The following SLC35F1 variants were observed in gnomAD, a reference collection of about 807,000 sequenced individuals.
The protein encoded by SLC35F1 is solute carrier family 35 member F1.
Under a neutral mutation model 48.7 loss-of-function variants are expected in SLC35F1, and 14 were observed. That is an observed-to-expected ratio of 0.29 (90% confidence interval 0.19 to 0.45). SLC35F1 has a LOEUF of 0.45. Among genes scored for constraint, SLC35F1 ranks in the 20% least tolerant of loss-of-function variants. The pLI is 1.00. For missense variants in SLC35F1, 404 were observed against 500.0 expected, an observed-to-expected ratio of 0.81 and a Z score of 1.83; for synonymous variants, 190 against 202.2, an observed-to-expected ratio of 0.94 and a Z score of 0.51.
At chr6:118,092,667 C>T (rs1419228431) in intron 1 of SLC35F1, among the ~76,000 whole-genome samples, 13 of 152,190 alleles carry the variant, frequency 8.5e-5, no homozygotes, top group Non-Finnish European at 5.9e-5. Flanking sequence ...GGTGGAGCTT[C>T]CCGAGGCCAT....
chr6:118,178,185 C>T (rs1422652170), intron 2 of SLC35F1, among the ~76,000 whole-genome samples: 3 of 151,982 alleles, frequency 2.0e-5, no homozygotes, highest in Non-Finnish European at 4.4e-5. Context: ...CTGGGGGTTG[C>T]GGATCTAGAT....
intron 7 of SLC35F1, among the ~76,000 whole-genome samples, chr6:118,306,218 T>A (rs1776310071): frequency 6.6e-6 from 1 of 152,138 alleles, no homozygotes; most frequent in Non-Finnish European, 1.5e-5. Context: ...CTTTGTTCTG[T>A]CTTCCGGCAG....
At chr6:118,277,574 C>G (rs371437226) in intron 6 of SLC35F1, 28 bp downstream of exon 6, 16 of 1,603,170 alleles carry the variant, frequency 1.0e-5, no homozygotes, top group Middle Eastern at 1.6e-4. Flanking sequence ...ATACGATGCT[C>G]TTTTTATAAC....
chr6:118,235,677 A>G, intron 3 of SLC35F1, 41 bp downstream of exon 3: 2 of 1,596,450 alleles, frequency 1.3e-6, no homozygotes, highest in Non-Finnish European at 1.7e-6. Context: ...TCCTCTATCC[A>G]GATGTAGTTT....
Position 118,052,152 on chromosome 6 carries a change from G to T in SLC35F1, c.174-102293G>T, listed in dbSNP as rs117939741. Among the ~76,000 whole-genome samples, 41 of 152,008 alleles carry T rather than the reference G, an allele frequency of 2.7e-4. No individual in the cohort carries two copies. The East Asian group carries it at 7.9e-3, about 29-fold the overall frequency. ...ATGGCCTTTCAACTCCAGATATGAT[G>T]GTCAAAAATAACAACCTGCAGCCAC... On this transcript the variant is annotated intron_variant, in intron 1 of 7. Coordinates refer to ENST00000360388, the MANE Select transcript of SLC35F1 (RefSeq NM_001029858.4).
chr6:118,117,154 A>C (rs1773486342), intron 1 of SLC35F1, among the ~76,000 whole-genome samples: 1 of 152,194 alleles, frequency 6.6e-6, no homozygotes, highest in Admixed American at 6.6e-5. Flanking sequence ...TGAGACCTGC[A>C]GCAGTTGAGT....
chr6:118,205,283 C>T lies in SLC35F1; in HGVS notation c.350-30226C>T, dbSNP rs114147605. ...TAAAGCAGCCCTTTAAAAGCCACCA[C>T]TCACAATAAAAAAACAAAATGGAAA... On this transcript the variant is annotated intron_variant, in intron 2 of 7. Transcript: ENST00000360388. 8.9e-3 allele frequency among the ~76,000 whole-genome samples: 1,352 copies of T among 152,206 alleles called. 22 individuals carry two copies. The highest frequency in any genetic ancestry group is 0.03 in the African/African-American group (1,235 of 41,534).
chr6:118,222,273 C>G (rs1179117881), intron 2 of SLC35F1, among the ~76,000 whole-genome samples: 1 of 152,264 alleles, frequency 6.6e-6, no homozygotes, highest in East Asian at 1.9e-4. Flanking sequence ...GAGTATCCAG[C>G]TTATAGCATA....
chr6:118,088,590 C>T (rs1479280460), intron 1 of SLC35F1, among the ~76,000 whole-genome samples: 1 of 152,128 alleles, frequency 6.6e-6, no homozygotes, highest in African/African-American at 2.4e-5. Flanking sequence ...ATAAGCACCA[C>T]TTGTAATGAA....
intron 1 of SLC35F1, among the ~76,000 whole-genome samples, chr6:118,097,538 T>C (rs1773194780): frequency 6.6e-6 from 1 of 152,196 alleles, no homozygotes; most frequent in Non-Finnish European, 1.5e-5. Flanking sequence ...CAGAGGGTGA[T>C]GGAAACCATT....
At chr6:118,023,237 A>G (rs1777421035) in intron 1 of SLC35F1, among the ~76,000 whole-genome samples, 1 of 152,210 alleles carries the variant, frequency 6.6e-6, no homozygotes, top group South Asian at 2.1e-4. Context: ...GAAGGAGACC[A>G]GCTGCATAAT....
chr6:117,961,237 GAT>G (rs1409238073), intron 1 of SLC35F1, among the ~76,000 whole-genome samples: 2 of 152,288 alleles, frequency 1.3e-5, no homozygotes, highest in East Asian at 3.9e-4. Context: ...GCCATGAATG[GAT>G]AACTGAAGAA....
intron 1 of SLC35F1, among the ~76,000 whole-genome samples, chr6:117,938,516 C>T (rs966642864): frequency 6.6e-6 from 1 of 152,220 alleles, no homozygotes; most frequent in Non-Finnish European, 1.5e-5. Context: ...GGGCTCACTG[C>T]CCCCAGCCCA....
chr6:118,164,687 G>A (rs1474470643), intron 2 of SLC35F1, among the ~76,000 whole-genome samples: 2 of 152,160 alleles, frequency 1.3e-5, no homozygotes, highest in Non-Finnish European at 2.9e-5. Flanking sequence ...ACTAAATATT[G>A]ATTCTTCTCA....
At chr6:118,065,904 C>CT (rs1224849750) in intron 1 of SLC35F1, among the ~76,000 whole-genome samples, 2 of 152,072 alleles carry the variant, frequency 1.3e-5, no homozygotes. Context: ...TGTTCAAAGA[C>CT]TTTTTTACTT....
chr6:118,187,158 T>C (rs1272267129), intron 2 of SLC35F1, among the ~76,000 whole-genome samples: 1 of 152,270 alleles, frequency 6.6e-6, no homozygotes, highest in Non-Finnish European at 1.5e-5. Context: ...ATAATGTATG[T>C]AACAACAGCC....
At chr6:118,132,027 A>AAT (rs1233684326) in intron 1 of SLC35F1, among the ~76,000 whole-genome samples, 1 of 152,146 alleles carries the variant, frequency 6.6e-6, no homozygotes, top group African/African-American at 2.4e-5. Flanking sequence ...CTATTTTGTA[A>AAT]GGACCTCAAG....
chr6:118,006,712 T>TA (rs1298877320), intron 1 of SLC35F1, among the ~76,000 whole-genome samples: 4 of 152,258 alleles, frequency 2.6e-5, no homozygotes, highest in Admixed American at 6.5e-5. Context: ...CTCTTATCAT[T>TA]AAAAAATTGA....
rs906727736 is a variant in SLC35F1 at position 118,095,494 on chromosome 6, A to G, written c.174-58951A>G. 3.3e-5 allele frequency among the ~76,000 whole-genome samples: 5 copies of G among 151,988 alleles called. 1 individual carries two copies. The highest frequency in any genetic ancestry group is 3.3e-4 in the Admixed American group (5 of 15,250). On this transcript the variant is annotated intron_variant, in intron 1 of 7. Coordinates refer to ENST00000360388, the MANE Select transcript of SLC35F1 (RefSeq NM_001029858.4). ...CAGGATTTTTTTTTCCTTTTTCTTT[A>G]AGAAACTTGCCTTCAGTCCTCTTTC...
Sources: gnomAD v4.1 joint callset for allele counts (sites outside exome capture counted in the v4.1 genomes callset) on GRCh38, gnomAD v4.1.1 for gene constraint, MANE v1.5 for transcripts, NCBI Gene and HGNC (gene_info 2026-07-23, HGNC 2026-07-21) for gene names.